PAPLN: variants seen among roughly 807,000 people sequenced by gnomAD.
PAPLN encodes papilin.
Under a neutral mutation model 159.0 loss-of-function variants are expected in PAPLN, and 146 were observed. That is an observed-to-expected ratio of 0.92 (90% CI 0.80 to 1.05). PAPLN has a LOEUF of 1.05. PAPLN is among the 50% of genes least tolerant of loss of function. The probability of loss-of-function intolerance (pLI) is 0.00; values close to 1 mark genes in which losing one functional copy is unlikely to be tolerated. For synonymous variants in PAPLN, 734 were observed against 702.9 expected, an observed-to-expected ratio of 1.04 and a Z score of -0.70; for missense variants, 1,720 against 1,743.9, an observed-to-expected ratio of 0.99 and a Z score of 0.24.
intron 14 of PAPLN, among the ~76,000 whole-genome samples, chr14:73,256,360 G>C (rs546410555): frequency 6.6e-6 from 1 of 151,518 alleles, no homozygotes; most frequent in Non-Finnish European, 1.5e-5. Flanking sequence ...GTGAAATCCC[G>C]TCTCTACTAA....
intron 23 of PAPLN, 75 bp from the exon 24 acceptor site, chr14:73,266,426 C>T: frequency 6.4e-7 from 1 of 1,554,494 alleles, no homozygotes; most frequent in Non-Finnish European, 8.7e-7. Flanking sequence ...TCCCTGACCC[C>T]ATGCTCGAGG....
chr14:73,257,589 G>A (rs1345909450), intron 14 of PAPLN, among the ~76,000 whole-genome samples: 2 of 151,750 alleles, frequency 1.3e-5, no homozygotes, highest in African/African-American at 4.8e-5. Flanking sequence ...CATTCTAATG[G>A]CACAATGATT....
rs373479243 is a variant in PAPLN at position 73,253,818 on chromosome 14, G to A, written c.1159G>A (p.Val387Met). 5.9e-5 allele frequency: 96 copies of A among 1,613,626 alleles called. No homozygotes were observed. The highest frequency in any genetic ancestry group is 3.3e-4 in the Middle Eastern group (2 of 6,058). ...SCGGGSQSRS[V>M]YCISSDGAGI... Reference sequence around the variant, plus strand: ...TGGAGGAGGCTCCCAGTCCCGCTCCGTGTACTGCATCTCGTCTGACGGGGC... The same window carrying A: ...TGGAGGAGGCTCCCAGTCCCGCTCCATGTACTGCATCTCGTCTGACGGGGC... Residue 387 changes from valine to methionine, a missense_variant, in exon 12 of 27, where the codon GTG (valine) becomes ATG (methionine). Val to Met is a conservative substitution (Grantham distance 21). Coordinates refer to ENST00000644200, the MANE Select transcript of PAPLN (RefSeq NM_001365906.3).
In PAPLN at chr14:73,268,624, T is replaced by C; in HGVS notation, c.3568T>C (p.Tyr1190His). 1.2e-6 allele frequency: 2 copies of C among 1,614,058 alleles called. No homozygotes were observed. The highest frequency in any genetic ancestry group is 1.7e-6 in the Non-Finnish European group (2 of 1,179,980). Residue 1190 changes from tyrosine to histidine, a missense_variant, in exon 26 of 27, where the codon TAC (tyrosine) becomes CAC (histidine). Transcript: ENST00000644200. ...HQSPDGTLLI[Y>H]NLRARDEGSY... ...GTCCCCAGATGGCACGCTGCTCATT[T>C]ACAACTTGCGGGCCAGGGATGAGGG... is the stretch of plus-strand genomic sequence containing the variant.
At chr14:73,236,827 AAAGAAAAGGAGGGAGGAAAGTAGAAAG>A, upstream of PAPLN, among the ~76,000 whole-genome samples, 1 of 151,536 alleles carries the variant, frequency 6.6e-6, no homozygotes, top group African/African-American at 2.4e-5. Context: ...AAAAAAAAAA[AAAGAAAAGGAGGGAGGAAAGTAGAAAG>A]AAAGAAAAGA....
intron 23 of PAPLN, 65 bp from the exon 24 acceptor site, chr14:73,266,436 G>T (rs1887217149): frequency 1.3e-6 from 2 of 1,584,300 alleles, no homozygotes; most frequent in East Asian, 4.5e-5. Context: ...CATGCTCGAG[G>T]GACGGAGCTG....
rs1594781587 is a variant in PAPLN at position 73,245,839 on chromosome 14, G to A, written c.231+143G>A. On this transcript the variant is annotated intron_variant, in intron 4 of 26. Coordinates refer to ENST00000644200, the MANE Select transcript of PAPLN (RefSeq NM_001365906.3). The surrounding 1 kb of genome is among the most constrained non-coding windows in gnomAD (Gnocchi z 4.2). ...TCCCGCCAATCCACAGCAGGGCTGC[G>A]TGGGGGCCCCTTCCTCACCCTGCTC... is the stretch of plus-strand genomic sequence containing the variant. The A allele has an allele frequency of 1.7e-6, 2 of 1,165,286 alleles. No homozygotes were observed. Among genetic ancestry groups the A allele is most frequent in the Non-Finnish European group, 2.4e-6 (2 of 836,458 alleles). 72.2% of individuals were successfully genotyped at this position (1,165,286 alleles called of 1,614,324 possible). A position where few individuals can be genotyped will look rare whatever the true frequency, so the allele number is the denominator to read the frequency against.
chr14:73,244,667 T>G lies in PAPLN; in HGVS notation c.78T>G (p.Ser26Arg), dbSNP rs1594778877. Residue 26 changes from serine to arginine, a missense_variant, in exon 3 of 27, where the codon AGT becomes AGG. Transcript: ENST00000644200. ...AGGCTCCCAAGGTGAGGCGGCAGAG[T>G]GACACCTGGGGACCCTGGAGCCAGT... ...GSSAPKVRRQ[S>R]DTWGPWSQWS... is the part of the protein sequence containing the mutation. 1 of 1,591,330 alleles carries G rather than the reference T, an allele frequency of 6.3e-7. No individual in the cohort carries two copies.
chr14:73,248,426 A>G (rs1884860422), intron 5 of PAPLN, among the ~76,000 whole-genome samples: 1 of 152,168 alleles, frequency 6.6e-6, no homozygotes, highest in Non-Finnish European at 1.5e-5. Context: ...AAGAGAGTAG[A>G]GGGATACCTT....
chr14:73,259,213 G>A (rs1017120828), intron 15 of PAPLN, 56 bp from the exon 16 acceptor site: 1 of 1,529,628 alleles, frequency 6.5e-7, no homozygotes, highest in East Asian at 2.3e-5. Flanking sequence ...CGTGGACAGG[G>A]GTGGAGGGGA....
At position 73,268,732 on chromosome 14, in the gene PAPLN, G is replaced by C. The variant is rs758062546; in HGVS notation, c.3667+9G>C. 39 of 1,598,010 alleles carry C rather than the reference G, an allele frequency of 2.4e-5. No individual in the cohort carries two copies. Among genetic ancestry groups the C allele is most frequent in the Non-Finnish European group, 5.1e-6 (6 of 1,171,692 alleles). ...GAAGGTGGTCTCACCAGGTAGGAAA[G>C]GTCTATATCCGGGGATGGGAAGGAC... On this transcript the variant is annotated intron_variant, in intron 26 of 26. Coordinates refer to ENST00000644200, the MANE Select transcript of PAPLN (RefSeq NM_001365906.3).
intron 20 of PAPLN, 195 bp downstream of exon 20, chr14:73,263,977 TGTGTG>T: frequency 8.1e-7 from 1 of 1,239,570 alleles, no homozygotes; most frequent in Non-Finnish European, 1.0e-6. Flanking sequence ...CTCTGACAGG[TGTGTG>T]TGACAGCCCC....
chr14:73,251,994 C>T, intron 9 of PAPLN, 24 bp from the exon 10 acceptor site: 1 of 1,591,164 alleles, frequency 6.3e-7, no homozygotes, highest in Non-Finnish European at 8.6e-7. Context: ...GCAGCAGACC[C>T]CAACAAGGAC....
At position 73,245,678 on chromosome 14, in the gene PAPLN, C is replaced by T; in HGVS notation, c.213C>T (p.His71=). ...GSSCVGPARS[H]RSCRTESCPD... is the part of the protein sequence containing the mutation. ...GCTGCGTGGGCCCCGCCCGGAGCCA[C>T]CGCTCTTGTCGCACGGAGGTAAAGC... The change falls in exon 4 of 27, where the codon CAC becomes CAT. Residue 71 remains histidine (H), a synonymous_variant. Transcript: ENST00000644200. The surrounding 1 kb of genome is among the most constrained non-coding windows in gnomAD (Gnocchi z 4.2). 1 of 1,554,008 alleles carries T rather than the reference C, an allele frequency of 6.4e-7. No homozygotes were observed.
Position 73,268,596 on chromosome 14 carries a change from C to T in PAPLN, c.3540C>T (p.His1180=). ...LPVQADGHRV[H]QSPDGTLLIY... ...TGCAGGCTGATGGCCACCGTGTCCA[C>T]CAGTCCCCAGATGGCACGCTGCTCA... Residue 1180 remains histidine, a synonymous_variant, in exon 26 of 27, where the codon CAC becomes CAT. Coordinates refer to ENST00000644200, the MANE Select transcript of PAPLN (RefSeq NM_001365906.3). 1 of 1,613,862 alleles carries T rather than the reference C, an allele frequency of 6.2e-7. No individual in the cohort carries two copies. The highest frequency in any genetic ancestry group is 8.5e-7 in the Non-Finnish European group (1 of 1,179,842).
At chr14:73,236,226 T>C (rs1413148665), upstream of PAPLN, among the ~76,000 whole-genome samples, 4 of 151,968 alleles carry the variant, frequency 2.6e-5, no homozygotes, top group Non-Finnish European at 5.9e-5. Context: ...GGAAAACAAA[T>C]GAAGTTGATC....
chr14:73,270,974 A>C (rs1432178972), intron 26 of PAPLN, among the ~76,000 whole-genome samples: 1 of 152,206 alleles, frequency 6.6e-6, no homozygotes, highest in Non-Finnish European at 1.5e-5. Context: ...GGTAAAAGGG[A>C]CATAGCTCTA....
At chr14:73,247,542 G>A (rs1884552770) in intron 5 of PAPLN, among the ~76,000 whole-genome samples, 1 of 150,866 alleles carries the variant, frequency 6.6e-6, no homozygotes, top group African/African-American at 2.4e-5. Flanking sequence ...GTGTTGTGGG[G>A]ATCGTGGCTG....
rs978107425 is a variant in PAPLN, at chr14:73,264,432, G to A, written c.2986+97G>A. On this transcript the variant is annotated intron_variant, in intron 21 of 26. Transcript: ENST00000644200. ...ACCGAGGGCTGCCTCACGCTAGAGG[G>A]GCCCAGGGTGTCTCTCTGAGTCAAT... 342 of 1,537,524 alleles carry A rather than the reference G, an allele frequency of 2.2e-4. 2 individuals carry two copies. The Middle Eastern group carries it at 2.3e-3, about 10-fold the overall frequency.
Sources: gnomAD v4.1 joint callset for allele counts (sites outside exome capture counted in the v4.1 genomes callset) on GRCh38, gnomAD v4.1.1 for gene constraint, Gnocchi (gnomAD v3.1) non-coding constraint, MANE v1.5 for transcripts, NCBI Gene and HGNC (gene_info 2026-07-23, HGNC 2026-07-21) for gene names.